The following CCDC178 variants were observed in gnomAD, a reference collection of about 807,000 sequenced individuals.
The protein encoded by CCDC178 is coiled-coil domain-containing protein 178.
Under a neutral mutation model 117.4 loss-of-function variants are expected in CCDC178, and 126 were observed. The observed-to-expected ratio is 1.07, with a 90% confidence interval of 0.93 to 1.24. The LOEUF (loss-of-function observed/expected upper bound fraction) is 1.24, where lower values mean the gene tolerates loss of function less well. Ranked by LOEUF, CCDC178 falls within the 50% of genes most tolerant of loss-of-function variation. The pLI, the probability that CCDC178 is intolerant of heterozygous loss-of-function variation, is 0.00. For synonymous variants in CCDC178, 283 were observed against 313.4 expected, an observed-to-expected ratio of 0.90 and a Z score of 1.02; for missense variants, 1,030 against 986.9, an observed-to-expected ratio of 1.04 and a Z score of -0.59.
At chr18:33,223,463 C>A (rs2059263795) in intron 17 of CCDC178, among the ~76,000 whole-genome samples, 1 of 152,098 alleles carries the variant, frequency 6.6e-6, no homozygotes, top group South Asian at 2.1e-4. Context: ...AATAAATAAG[C>A]TTACATAGAA....
chr18:33,183,419 T>G (rs2058753716), intron 20 of CCDC178, among the ~76,000 whole-genome samples: 1 of 152,070 alleles, frequency 6.6e-6, no homozygotes, highest in African/African-American at 2.4e-5. Context: ...GAAACCCTCA[T>G]CAGACAAGTA....
chr18:33,002,208 T>G (rs911436878), intron 21 of CCDC178, among the ~76,000 whole-genome samples: 2 of 152,082 alleles, frequency 1.3e-5, no homozygotes, highest in Non-Finnish European at 2.9e-5. Flanking sequence ...ATATTTCATC[T>G]AACAGCTGCA....
intron 20 of CCDC178, among the ~76,000 whole-genome samples, chr18:33,110,595 C>A (rs1473875629): frequency 6.6e-6 from 1 of 151,410 alleles, no homozygotes; most frequent in Admixed American, 6.6e-5. Context: ...GTCAAGGTAT[C>A]TTTTTTAAAA....
chr18:33,057,790 A>C (rs2056856155), intron 21 of CCDC178, among the ~76,000 whole-genome samples: 1 of 152,226 alleles, frequency 6.6e-6, no homozygotes. Context: ...CACCACGTCC[A>C]GCCCAACTGA....
intron 2 of CCDC178, among the ~76,000 whole-genome samples, chr18:33,413,717 C>A (rs2144904674): frequency 6.6e-6 from 1 of 152,204 alleles, no homozygotes; most frequent in South Asian, 2.1e-4. Flanking sequence ...ACATCTGACC[C>A]AGGAGAGGCA....
At chr18:33,116,018 A>C (rs1183423240) in intron 20 of CCDC178, among the ~76,000 whole-genome samples, 2 of 152,100 alleles carry the variant, frequency 1.3e-5, no homozygotes, top group Admixed American at 1.3e-4. Context: ...ACCACAAAAT[A>C]TTCCTAATTT....
intron 4 of CCDC178, among the ~76,000 whole-genome samples, chr18:33,396,480 TA>T (rs1274552676): frequency 6.6e-6 from 1 of 152,110 alleles, no homozygotes; most frequent in Non-Finnish European, 1.5e-5. Flanking sequence ...AGGATATATG[TA>T]CAAGGAGGTT....
chr18:33,137,859 C>G (rs2058148134), intron 20 of CCDC178, among the ~76,000 whole-genome samples: 1 of 152,100 alleles, frequency 6.6e-6, no homozygotes, highest in African/African-American at 2.4e-5. Flanking sequence ...AGCATAGGTC[C>G]CCTGTATTTT....
intron 20 of CCDC178, among the ~76,000 whole-genome samples, chr18:33,158,559 T>C (rs1424807512): frequency 6.6e-6 from 1 of 152,090 alleles, no homozygotes; most frequent in Non-Finnish European, 1.5e-5. Context: ...ATTTATATTT[T>C]AGTGCCAAAT....
chr18:33,251,629 A>G (rs559949439), intron 14 of CCDC178, among the ~76,000 whole-genome samples: 4 of 151,870 alleles, frequency 2.6e-5, no homozygotes, highest in African/African-American at 9.6e-5. Flanking sequence ...AAGTTTGTAG[A>G]AACAAGATAT....
At chr18:33,415,584 T>A (rs1228227307) in intron 2 of CCDC178, among the ~76,000 whole-genome samples, 1 of 151,898 alleles carries the variant, frequency 6.6e-6, no homozygotes, top group Non-Finnish European at 1.5e-5. Context: ...CATTAGGAGA[T>A]ATACCTAATG....
intron 14 of CCDC178, among the ~76,000 whole-genome samples, chr18:33,245,686 G>T (rs1040219166): frequency 3.9e-4 from 59 of 151,696 alleles, no homozygotes; most frequent in African/African-American, 1.3e-3. Flanking sequence ...GGGGAATCCG[G>T]GTGCTTGGCT....
intron 12 of CCDC178, among the ~76,000 whole-genome samples, chr18:33,280,593 C>G (rs1227662256): frequency 6.6e-6 from 1 of 151,688 alleles, no homozygotes; most frequent in Non-Finnish European, 1.5e-5. Flanking sequence ...CCCAGCCATC[C>G]CATTACTGGG....
At chr18:32,992,527 G>A (rs1485132373) in intron 21 of CCDC178, among the ~76,000 whole-genome samples, 1 of 152,010 alleles carries the variant, frequency 6.6e-6, no homozygotes, top group African/African-American at 2.4e-5. Flanking sequence ...GAAGAGAAAA[G>A]GTATATAGAA....
intron 22 of CCDC178, among the ~76,000 whole-genome samples, chr18:32,964,872 A>G (rs559090494): frequency 1.3e-5 from 2 of 152,000 alleles, no homozygotes; most frequent in South Asian, 4.1e-4. Flanking sequence ...ACATTTCTAG[A>G]ATGTATTTCA....
At chr18:33,336,974 T>C (rs988809682) in intron 9 of CCDC178, among the ~76,000 whole-genome samples, 1 of 152,104 alleles carries the variant, frequency 6.6e-6, no homozygotes, top group Non-Finnish European at 1.5e-5. Flanking sequence ...ATTGAATTTG[T>C]ATGTTGCTTT....
intron 21 of CCDC178, among the ~76,000 whole-genome samples, chr18:33,040,947 T>A (rs560285757): frequency 3.2e-4 from 48 of 151,996 alleles, no homozygotes; most frequent in African/African-American, 1.1e-3. Flanking sequence ...AATGAAAGAA[T>A]AGTGTGAATA....
chr18:33,251,763 A>G (rs1228128387), intron 14 of CCDC178, among the ~76,000 whole-genome samples: 4 of 151,588 alleles, frequency 2.6e-5, no homozygotes, highest in Non-Finnish European at 5.9e-5. Flanking sequence ...TACTGCCCCC[A>G]TATACTATAA....
chr18:33,008,043 A>T (rs911046103), intron 21 of CCDC178, among the ~76,000 whole-genome samples: 2 of 152,148 alleles, frequency 1.3e-5, no homozygotes, highest in African/African-American at 4.8e-5. Flanking sequence ...TATGTCAAAC[A>T]TTCTGATGAT....
Sources: gnomAD v4.1 joint callset for allele counts (sites outside exome capture counted in the v4.1 genomes callset) on GRCh38, gnomAD v4.1.1 for gene constraint, MANE v1.5 for transcripts, NCBI Gene and HGNC (gene_info 2026-07-23, HGNC 2026-07-21) for gene names.